The following MYO5A variants were observed in gnomAD, a reference collection of about 807,000 sequenced individuals.
MYO5A encodes unconventional myosin-Va.
A neutral mutation model predicts 249.7 loss-of-function variants in MYO5A; 98 were observed. That is an observed-to-expected ratio of 0.39 (90% CI 0.33 to 0.46). The LOEUF (loss-of-function observed/expected upper bound fraction) is 0.46, where lower values mean the gene tolerates loss of function less well. Among genes scored for constraint, MYO5A ranks in the 20% least tolerant of loss-of-function variants. MYO5A has a pLI of 0.98. For synonymous variants in MYO5A, 778 were observed against 810.6 expected (o/e 0.96, Z 0.68); for missense variants, 1,696 against 2,308.8 (o/e 0.73, Z 5.44).
At position 52,379,735 on chromosome 15, in the gene MYO5A, T is replaced by C; in HGVS notation, c.2100-2A>G. Reference sequence around the variant, plus strand: ...CTGAAAAATTCTTGGTAAGTCCACCTATTAAAAGAAAACCATCTGAGTTTA... The same window carrying C: ...CTGAAAAATTCTTGGTAAGTCCACCCATTAAAAGAAAACCATCTGAGTTTA... On this transcript the variant is annotated splice_acceptor_variant, in intron 17 of 41. Coordinates refer to ENST00000399233, the MANE Select transcript of MYO5A (RefSeq NM_001382347.1). LOFTEE classifies it high-confidence loss of function. 2 of 1,614,132 alleles carry C rather than the reference T, an allele frequency of 1.2e-6. No homozygotes were observed. The highest frequency in any genetic ancestry group is 1.7e-6 in the Non-Finnish European group (2 of 1,179,944).
Position 52,471,592 on chromosome 15 carries a change from A to AACACACACACACACACACACAC in MYO5A, c.28-38329_28-38308dup, listed in dbSNP as rs111751236. Among the ~76,000 whole-genome samples the AACACACACACACACACACACAC allele has an allele frequency of 2.0e-3, 290 of 144,954 alleles. 2 individuals are homozygous for AACACACACACACACACACACAC. The highest frequency in any genetic ancestry group is 7.1e-3 in the African/African-American group (274 of 38,486). ...CAACACAGCCAGATTCTGTCTCTAA[A>AACACACACACACACACACACAC]ACACACACACACACACACACACACA... On this transcript the variant is annotated intron_variant, in intron 1 of 41. Coordinates refer to ENST00000399233, the MANE Select transcript of MYO5A (RefSeq NM_001382347.1).
intron 32 of MYO5A, 103 bp from the exon 33 acceptor site, chr15:52,337,987 T>C (rs2039197675): frequency 9.3e-6 from 7 of 750,180 alleles, no homozygotes; most frequent in Middle Eastern, 6.1e-4. Flanking sequence ...ATACAAATAG[T>C]GAAACTATAT....
chr15:52,462,045 C>T (rs1056796227), intron 1 of MYO5A, among the ~76,000 whole-genome samples: 1 of 151,246 alleles, frequency 6.6e-6, no homozygotes, highest in Admixed American at 6.6e-5. Flanking sequence ...GGGCGGATCA[C>T]GAGGTCAGGA....
intron 1 of MYO5A, among the ~76,000 whole-genome samples, chr15:52,502,889 C>A (rs2077186741): frequency 6.6e-6 from 1 of 152,108 alleles, no homozygotes; most frequent in African/African-American, 2.4e-5. Context: ...ATGGATAGAA[C>A]CAGAGGTCAT....
chr15:52,382,151 C>T (rs1030466497), intron 16 of MYO5A, among the ~76,000 whole-genome samples: 2 of 152,234 alleles, frequency 1.3e-5, no homozygotes, highest in African/African-American at 4.8e-5. Context: ...GATCCACCCA[C>T]CCTGGCCTCC....
At chr15:52,343,910 G>A (rs1251182252) in intron 30 of MYO5A, among the ~76,000 whole-genome samples, 1 of 152,134 alleles carries the variant, frequency 6.6e-6, no homozygotes, top group Non-Finnish European at 1.5e-5. Flanking sequence ...TATTTTTTGA[G>A]TGTTTGCTCA....
chr15:52,394,199 A>T (rs1175086781), intron 11 of MYO5A, among the ~76,000 whole-genome samples: 1 of 152,220 alleles, frequency 6.6e-6, no homozygotes, highest in Non-Finnish European at 1.5e-5. Context: ...CAAGTTATTT[A>T]TACTGTGAGA....
At chr15:52,453,221 T>C (rs979079017) in intron 1 of MYO5A, among the ~76,000 whole-genome samples, 5 of 151,974 alleles carry the variant, frequency 3.3e-5, no homozygotes, top group Non-Finnish European at 5.9e-5. Flanking sequence ...TCCAATGCAT[T>C]TTGCAACAGA....
intron 40 of MYO5A, 141 bp from the exon 41 acceptor site, chr15:52,314,344 G>C (rs922710366): frequency 7.4e-6 from 5 of 678,082 alleles, no homozygotes; most frequent in African/African-American, 1.8e-5. Flanking sequence ...GGAAGGAGGA[G>C]CTGGTCTGCA....
chr15:52,423,551 TA>T (rs372778294), intron 4 of MYO5A, among the ~76,000 whole-genome samples: 156 of 77,820 alleles, frequency 2.0e-3, no homozygotes, highest in Admixed American at 1.8e-3. Flanking sequence ...GACTCCGTCT[TA>T]AAAAAAAAAA....
At position 52,313,074 on chromosome 15, in the gene MYO5A, G is replaced by A. The variant is rs2140903863; in HGVS notation, c.*622C>T. 1 of 153,156 alleles carries A rather than the reference G, an allele frequency of 6.5e-6. No individual in the cohort carries two copies. Among genetic ancestry groups the A allele is most frequent in the East Asian group, 1.9e-4 (1 of 5,190 alleles). 9.5% of individuals were successfully genotyped at this position (153,156 alleles called of 1,614,324 possible). Reference sequence around the variant, plus strand: ...ACAGTATGTAGCAGCAATTTAAAATGCTCAGTAAACTATAGTACAAATGGA... The same window carrying A: ...ACAGTATGTAGCAGCAATTTAAAATACTCAGTAAACTATAGTACAAATGGA... On this transcript the variant is annotated 3_prime_UTR_variant, in exon 42 of 42. Coordinates refer to ENST00000399233, the MANE Select transcript of MYO5A (RefSeq NM_001382347.1).
In MYO5A at chr15:52,336,444, G is replaced by C. The variant is rs1475792579; in HGVS notation, c.4408+19C>G. On this transcript the variant is annotated intron_variant, in intron 34 of 41. Coordinates refer to ENST00000399233, the MANE Select transcript of MYO5A (RefSeq NM_001382347.1). ...CAAACCAAGACTCAGTGACCGTCTT[G>C]AAAAAAAGGTTTAAATACCTTCTAG... 11 of 1,524,610 alleles carry C rather than the reference G, an allele frequency of 7.2e-6. No homozygotes were observed. The Admixed American group carries it at 2.0e-4, about 27-fold the overall frequency. The allele number at this position is 1,524,610 out of a possible 1,614,324, so 94.4% of individuals were successfully genotyped here. A position where few individuals can be genotyped will look rare whatever the true frequency, so the allele number is the denominator to read the frequency against.
intron 1 of MYO5A, among the ~76,000 whole-genome samples, chr15:52,475,844 C>A (rs1893973592): frequency 6.6e-6 from 1 of 152,174 alleles, no homozygotes; most frequent in African/African-American, 2.4e-5. Context: ...CAATGTGGTG[C>A]TGAGAAGAAT....
intron 1 of MYO5A, among the ~76,000 whole-genome samples, chr15:52,455,658 T>C (rs1258139320): frequency 1.3e-5 from 2 of 151,886 alleles, no homozygotes; most frequent in Non-Finnish European, 2.9e-5. Flanking sequence ...TGGTTCAACA[T>C]ACACAAATCA....
chr15:52,475,002 G>A (rs1338630075), intron 1 of MYO5A, among the ~76,000 whole-genome samples: 1 of 152,220 alleles, frequency 6.6e-6, no homozygotes, highest in Non-Finnish European at 1.5e-5. Flanking sequence ...ACTCGGCTGT[G>A]AATCCGTCTG....
At chr15:52,429,858 G>T (rs2075487752) in intron 2 of MYO5A, among the ~76,000 whole-genome samples, 1 of 152,114 alleles carries the variant, frequency 6.6e-6, no homozygotes, top group Admixed American at 6.5e-5. Flanking sequence ...TCCTGCATTG[G>T]CCTCCCAAAT....
Position 52,383,173 on chromosome 15 carries a change from G to A in MYO5A, c.1930C>T (p.His644Tyr), listed in dbSNP as rs2041830255. ...TVGHQFRNSL[H>Y]LLMETLNATT... Reference sequence around the variant, plus strand: ...GCATTGAGTGTCTCCATAAGCAGGTGCAGGGAGTTTCTGAACTGCATGAAA... The same window carrying A: ...GCATTGAGTGTCTCCATAAGCAGGTACAGGGAGTTTCTGAACTGCATGAAA... The change falls in exon 16 of 42, where the codon CAC (histidine) becomes TAC (tyrosine). Residue 644 changes from histidine (H) to tyrosine (Y), a missense_variant. By Grantham distance (83) the His-to-Tyr change is moderately conservative (BLOSUM62 2). Coordinates refer to ENST00000399233, the MANE Select transcript of MYO5A (RefSeq NM_001382347.1). The A allele has an allele frequency of 1.9e-6, 3 of 1,613,604 alleles. No homozygotes were observed. Among genetic ancestry groups the A allele is most frequent in the Non-Finnish European group, 2.5e-6 (3 of 1,179,680 alleles).
At chr15:52,516,945 T>C (rs1187528797) in intron 1 of MYO5A, among the ~76,000 whole-genome samples, 1 of 152,202 alleles carries the variant, frequency 6.6e-6, no homozygotes, top group Non-Finnish European at 1.5e-5. Context: ...CTGGCACAGA[T>C]TGATCCAAGA....
intron 1 of MYO5A, among the ~76,000 whole-genome samples, chr15:52,438,744 C>T (rs1244584990): frequency 6.6e-6 from 1 of 152,260 alleles, no homozygotes; most frequent in Admixed American, 6.5e-5. Context: ...GCAACGGCTA[C>T]CCTCTTTGGG....
Sources: gnomAD v4.1 joint callset for allele counts (sites outside exome capture counted in the v4.1 genomes callset) on GRCh38, gnomAD v4.1.1 for gene constraint, MANE v1.5 for transcripts, NCBI Gene and HGNC (gene_info 2026-07-23, HGNC 2026-07-21) for gene names.